GAGE1: variants seen among roughly 807,000 people sequenced by gnomAD.
The protein encoded by GAGE1 is G antigen 1.
GAGE1 carries 5 observed loss-of-function variants against 5.0 expected under a neutral mutation model. That is an observed-to-expected ratio of 1.00 (90% confidence interval 0.52 to 2.11). GAGE1 has a LOEUF of 2.11. GAGE1 is among the 30% of genes most tolerant of loss of function. GAGE1 has a pLI of 0.01. For missense variants in GAGE1, 9 were observed against 38.9 expected, an observed-to-expected ratio of 0.23 and a Z score of 2.04; for synonymous variants, 6 against 14.8, an observed-to-expected ratio of 0.40 and a Z score of 1.37.
In GAGE1 at chrX:49,602,560, T is replaced by TCACACACACA. The variant is rs60317552; in HGVS notation, c.206-1095_206-1086dup. On this transcript the variant is annotated intron_variant, in intron 3 of 4. Transcript: ENST00000381700. ...GTCTCTTACCGTGCTGCCCACACAC[T>TCACACACACA]CACACACACACACACACACACATAC... Among the ~76,000 whole-genome samples the TCACACACACA allele has an allele frequency of 1.5e-4, 11 of 72,018 alleles. No individual in the cohort carries two copies. In the South Asian group the frequency reaches 5.4e-3, roughly 35 times the overall value. 62.5% of individuals were successfully genotyped at this position (72,018 alleles called of 115,157 possible).
intron 4 of GAGE1, chrX:49,605,029 G>C: frequency 9.8e-7 from 1 of 1,020,327 alleles, no homozygotes. Flanking sequence ...CCCAGACTGG[G>C]ATTCTCTGGC....
intron 4 of GAGE1, chrX:49,605,037 G>T (rs1275485597): frequency 2.9e-6 from 3 of 1,019,929 alleles, no homozygotes; most frequent in African/African-American, 1.9e-5. Context: ...GGGATTCTCT[G>T]GCTTTTAATG....
In GAGE1 at chrX:49,606,056, G is replaced by T; in HGVS notation, c.*41G>T. 1.0e-6 allele frequency: 1 copy of T among 975,920 alleles called. No homozygotes were observed. The highest frequency in any genetic ancestry group is 1.3e-6 in the Non-Finnish European group (1 of 741,678). The allele number at this position is 975,920 out of a possible 1,213,427, so 80.4% of individuals were successfully genotyped here. A position where few individuals can be genotyped will look rare whatever the true frequency, so the allele number is the denominator to read the frequency against. On this transcript the variant is annotated 3_prime_UTR_variant, in exon 5 of 5. Coordinates refer to ENST00000381700, the MANE Select transcript of GAGE1 (RefSeq NM_001040663.4). ...AATGTTGCAGGCTGCTCCTATGTTG[G>T]AAAATTCTTCATTGAAGTTCTCCCA...
At chrX:49,605,180 C>T (rs2066648309) in intron 4 of GAGE1, 2 of 959,901 alleles carry the variant, frequency 2.1e-6, no homozygotes, top group Non-Finnish European at 2.7e-6. Flanking sequence ...AGTAAGATGC[C>T]TGTGCTATGC....
intron 4 of GAGE1, among the ~76,000 whole-genome samples, chrX:49,605,694 A>C (rs1354441109): frequency 5.4e-5 from 6 of 111,039 alleles, no homozygotes; most frequent in African/African-American, 2.0e-4. Context: ...GTGGATCATG[A>C]GGTCAGGAAT....
chrX:49,607,892 T>G lies in GAGE1; in HGVS notation c.*1877T>G, dbSNP rs1156297049. 3.6e-5 allele frequency: 4 copies of G among 111,665 alleles called. No individual in the cohort carries two copies. Among genetic ancestry groups the G allele is most frequent in the Non-Finnish European group, 7.5e-5 (4 of 53,202 alleles). The allele number at this position is 111,665 out of a possible 1,213,427, so 9.2% of individuals were successfully genotyped here. A position where few individuals can be genotyped will look rare whatever the true frequency, so the allele number is the denominator to read the frequency against. ...TATGAATTACTTCTTTGTGCTAGGTTGTGTACATGTATGACCTCTTTAGAT... is the reference window on the plus strand; with the variant it reads ...TATGAATTACTTCTTTGTGCTAGGTGGTGTACATGTATGACCTCTTTAGAT... On this transcript the variant is annotated 3_prime_UTR_variant, in exon 5 of 5. Transcript: ENST00000381700.
In GAGE1 at chrX:49,607,181, T is replaced by C. The variant is rs1557132304; in HGVS notation, c.*1166T>C. On this transcript the variant is annotated 3_prime_UTR_variant, in exon 5 of 5. Transcript: ENST00000381700. ...TGGTATTTTTTCATGTTGCCCAGGC[T>C]GGTTTTATACTCCTAATCTCAAGCC... is the stretch of plus-strand genomic sequence containing the variant. The C allele has an allele frequency of 1.8e-5, 2 of 111,132 alleles. No individual in the cohort carries two copies. The allele number at this position is 111,132 out of a possible 1,213,427, so 9.2% of individuals were successfully genotyped here.
chrX:49,604,942 G>T (rs2066644180), intron 4 of GAGE1: 1 of 529,373 alleles, frequency 1.9e-6, no homozygotes, highest in African/African-American at 2.4e-5. Context: ...TGAGTGGCTG[G>T]AACTACATGC....
At chrX:49,604,011 C>T (rs1363583748) in intron 4 of GAGE1, among the ~76,000 whole-genome samples, 2 of 112,778 alleles carry the variant, frequency 1.8e-5, no homozygotes, top group African/African-American at 3.2e-5. Context: ...CTCCGCCGTG[C>T]CCAGCTAATT....
intron 3 of GAGE1, among the ~76,000 whole-genome samples, chrX:49,602,076 C>G (rs1198057722): frequency 2.8e-4 from 31 of 109,013 alleles, no homozygotes; most frequent in African/African-American, 1.1e-3. Flanking sequence ...CTTGGGAGGC[C>G]GAGGTGAGAG....
rs369945046 is a variant in GAGE1 at position 49,604,952 on chromosome X, C to T, written c.332-1041C>T. 21 of 622,853 alleles carry T rather than the reference C, an allele frequency of 3.4e-5. No individual in the cohort carries two copies. The East Asian group carries it at 1.1e-3, about 32-fold the overall frequency. The allele number at this position is 622,853 out of a possible 1,213,427, so 51.3% of individuals were successfully genotyped here. Reference sequence around the variant, plus strand: ...CCTCCTGAGTGGCTGGAACTACATGCACAAGCCAACGTACCTGAGTAAAAT... The same window carrying T: ...CCTCCTGAGTGGCTGGAACTACATGTACAAGCCAACGTACCTGAGTAAAAT... On this transcript the variant is annotated intron_variant, in intron 4 of 4. Coordinates refer to ENST00000381700, the MANE Select transcript of GAGE1 (RefSeq NM_001040663.4).
intron 4 of GAGE1, chrX:49,604,969 G>C: frequency 2.5e-6 from 2 of 805,297 alleles, no homozygotes; most frequent in Non-Finnish European, 3.4e-6. Flanking sequence ...CAACGTACCT[G>C]AGTAAAATTT....
chrX:49,606,128 C>T lies in GAGE1; in HGVS notation c.*113C>T, dbSNP rs2066658348. 4.6e-6 allele frequency: 2 copies of T among 435,802 alleles called. No individual in the cohort carries two copies. The highest frequency in any genetic ancestry group is 7.2e-6 in the Non-Finnish European group (2 of 276,931). The allele number at this position is 435,802 out of a possible 1,213,427, so 35.9% of individuals were successfully genotyped here. ...CAAAGAAGTCTTGTGAATCTTTTGT[C>T]AATTTTATTTCTAGCTATTTGATGC... On this transcript the variant is annotated 3_prime_UTR_variant, in exon 5 of 5. Transcript: ENST00000381700.
chrX:49,604,104 C>T (rs1206651853), intron 4 of GAGE1, among the ~76,000 whole-genome samples: 1 of 112,654 alleles, frequency 8.9e-6, no homozygotes, highest in East Asian at 2.8e-4. Flanking sequence ...CCACCTGCCT[C>T]GACCATTGAA....
rs782385313 is a variant in GAGE1, at chrX:49,605,125, C to G, written c.332-868C>G. On this transcript the variant is annotated intron_variant, in intron 4 of 4. Coordinates refer to ENST00000381700, the MANE Select transcript of GAGE1 (RefSeq NM_001040663.4). ...CAAATGGCAAGAGACCGTTTAGTTC[C>G]TATCATCTGTGGCATGTAAGTCAGT... The G allele has an allele frequency of 2.3e-5, 23 of 1,006,267 alleles. No individual in the cohort carries two copies. In the Admixed American group the frequency reaches 2.5e-4, roughly 11 times the overall value. 82.9% of individuals were successfully genotyped at this position (1,006,267 alleles called of 1,213,427 possible). A position where few individuals can be genotyped will look rare whatever the true frequency, so the allele number is the denominator to read the frequency against.
chrX:49,604,977 T>G, intron 4 of GAGE1: 1 of 799,135 alleles, frequency 1.3e-6, no homozygotes, highest in Non-Finnish European at 1.7e-6. Context: ...CTGAGTAAAA[T>G]TTTTTTTTTC....
At position 49,605,382 on chromosome X, in the gene GAGE1, T is replaced by C. The variant is rs782269543; in HGVS notation, c.332-611T>C. Among the ~76,000 whole-genome samples the C allele has an allele frequency of 3.3e-3, 370 of 112,543 alleles. 2 individuals carry two copies. The highest frequency in any genetic ancestry group is 0.011 in the African/African-American group (349 of 31,011). ...TTCCTGAGTAATCAACTGAAGTATA[T>C]TTCACACATGTGTTTTCCAAATTGC... is the stretch of plus-strand genomic sequence containing the variant. On this transcript the variant is annotated intron_variant, in intron 4 of 4. Coordinates refer to ENST00000381700, the MANE Select transcript of GAGE1 (RefSeq NM_001040663.4).
Position 49,607,578 on chromosome X carries a change from C to T in GAGE1, c.*1563C>T, listed in dbSNP as rs910530864. ...CCCTACTTAAACAGCAGTGACCAAACGGGCAGCTCCAGGTACCTATCCCCT... is the reference window on the plus strand; with the variant it reads ...CCCTACTTAAACAGCAGTGACCAAATGGGCAGCTCCAGGTACCTATCCCCT... On this transcript the variant is annotated 3_prime_UTR_variant, in exon 5 of 5. Transcript: ENST00000381700. 5 of 111,168 alleles carry T rather than the reference C, an allele frequency of 4.5e-5. No individual in the cohort carries two copies. The highest frequency in any genetic ancestry group is 5.7e-4 in the East Asian group (2 of 3,531). The allele number at this position is 111,168 out of a possible 1,213,427, so 9.2% of individuals were successfully genotyped here.
At chrX:49,601,981 C>T (rs1461659071) in intron 3 of GAGE1, among the ~76,000 whole-genome samples, 6 of 94,257 alleles carry the variant, frequency 6.4e-5, no homozygotes, top group Non-Finnish European at 1.0e-4. Context: ...AAGCATTATA[C>T]ATGTCCTGTG....
Sources: gnomAD v4.1 joint callset for allele counts (sites outside exome capture counted in the v4.1 genomes callset) on GRCh38, gnomAD v4.1.1 for gene constraint, MANE v1.5 for transcripts, NCBI Gene and HGNC (gene_info 2026-07-23, HGNC 2026-07-21) for gene names.